The following SPDEF variants were observed in gnomAD, a reference collection of about 807,000 sequenced individuals.
SPDEF encodes the protein SAM pointed domain containing ETS transcription factor.
SPDEF carries 12 observed loss-of-function variants against 36.0 expected under a neutral mutation model. That is an observed-to-expected ratio of 0.33 (90% CI 0.21 to 0.54). The LOEUF (loss-of-function observed/expected upper bound fraction) is 0.54, where lower values mean the gene tolerates loss of function less well. Ranked by LOEUF, SPDEF falls within the 20% of genes least tolerant of loss-of-function variation. The pLI, the probability that SPDEF is intolerant of heterozygous loss-of-function variation, is 0.93. For missense variants in SPDEF, 388 were observed against 456.9 expected, an observed-to-expected ratio of 0.85 and a Z score of 1.37; for synonymous variants, 205 against 193.0, an observed-to-expected ratio of 1.06 and a Z score of -0.51.
chr6:34,548,811 C>T (rs2395596), intron 1 of SPDEF, among the ~76,000 whole-genome samples: 1,692 of 152,310 alleles, frequency 0.011, 44 homozygotes, highest in East Asian at 0.096. Flanking sequence ...CTCCCTCCTG[C>T]GACTTCCTAG....
rs748746776 is a variant in SPDEF, at chr6:34,541,185, G to A, written c.437-4C>T. On this transcript the variant is annotated splice_polypyrimidine_tract_variant and splice_region_variant and intron_variant, in intron 2 of 5. Coordinates refer to ENST00000374037, the MANE Select transcript of SPDEF (RefSeq NM_012391.3). ...CTGGGGCTCCAGTCCATGGGATCTGGGCAAGAGGCATCCCCTCAGCTCAGG... is the reference window on the plus strand; with the variant it reads ...CTGGGGCTCCAGTCCATGGGATCTGAGCAAGAGGCATCCCCTCAGCTCAGG... The A allele has an allele frequency of 6.3e-7, 1 of 1,593,730 alleles. No homozygotes were observed. Among genetic ancestry groups the A allele is most frequent in the Non-Finnish European group, 8.6e-7 (1 of 1,169,320 alleles).
rs1383712739 is a variant in SPDEF, at chr6:34,538,119, C to G, written c.*155G>C. 1 of 764,882 alleles carries G rather than the reference C, an allele frequency of 1.3e-6. No homozygotes were observed. Among genetic ancestry groups the G allele is most frequent in the East Asian group, 2.7e-5 (1 of 37,064 alleles). 47.4% of individuals were successfully genotyped at this position (764,882 alleles called of 1,614,324 possible). On this transcript the variant is annotated 3_prime_UTR_variant, in exon 6 of 6. Transcript: ENST00000374037. The surrounding 1 kb of genome is among the most constrained non-coding windows in gnomAD (Gnocchi z 5.9). ...GAAGGCCCCAGAGGACCCATATCCC[C>G]CTGGGGCAGTTGGTTGCCCCTCCCT...
chr6:34,542,906 A>AG (rs1561977730), intron 2 of SPDEF, among the ~76,000 whole-genome samples: 3 of 149,120 alleles, frequency 2.0e-5, no homozygotes, highest in Admixed American at 6.7e-5. Context: ...AAAAAAAAAA[A>AG]GAAGAGGCTG....
At chr6:34,548,353 T>C (rs1036596673) in intron 1 of SPDEF, among the ~76,000 whole-genome samples, 1 of 152,168 alleles carries the variant, frequency 6.6e-6, no homozygotes, top group Non-Finnish European at 1.5e-5. Flanking sequence ...GGCTCCTTGA[T>C]GCTCTAAAGT....
At chr6:34,542,051 G>C (rs564611116) in intron 2 of SPDEF, among the ~76,000 whole-genome samples, 39 of 152,188 alleles carry the variant, frequency 2.6e-4, no homozygotes, top group Admixed American at 2.2e-3. Context: ...GAGGGAGCAG[G>C]GCCCTCCCCT....
At chr6:34,553,058 AG>A (rs1042490183) in intron 1 of SPDEF, among the ~76,000 whole-genome samples, 2 of 151,944 alleles carry the variant, frequency 1.3e-5, no homozygotes, top group Non-Finnish European at 2.9e-5. Flanking sequence ...AGGGAGAAGG[AG>A]GGGGGTCTTT....
At chr6:34,549,311 G>A (rs913807834) in intron 1 of SPDEF, among the ~76,000 whole-genome samples, 1 of 152,198 alleles carries the variant, frequency 6.6e-6, no homozygotes, top group East Asian at 1.9e-4. Context: ...TGGCGGCCAG[G>A]GGGATTAGCC....
chr6:34,537,999 G>T lies in SPDEF; in HGVS notation c.*275C>A. 2.5e-6 allele frequency: 1 copy of T among 408,054 alleles called. No individual in the cohort carries two copies. Among genetic ancestry groups the T allele is most frequent in the Non-Finnish European group, 4.5e-6 (1 of 223,146 alleles). The allele number at this position is 408,054 out of a possible 1,614,324, so 25.3% of individuals were successfully genotyped here. On this transcript the variant is annotated 3_prime_UTR_variant, in exon 6 of 6. Transcript: ENST00000374037. ...GTAGGCTCTGCTCTGGAAATGCTGG[G>T]GTCAGAGGCAGGTGTTGGGGAGCAG...
At position 34,538,952 on chromosome 6, in the gene SPDEF, T is replaced by A. The variant is rs748841297; in HGVS notation, c.829+298A>T. On this transcript the variant is annotated intron_variant, in intron 5 of 5. Transcript: ENST00000374037. The surrounding 1 kb of genome is among the most constrained non-coding windows in gnomAD (Gnocchi z 5.9). ...GCAGTTCGGCCTGTGCAGCCCTCTC[T>A]GGCAGGATTAATTAATATGAGATGG... Among the ~76,000 whole-genome samples, 18 of 152,202 alleles carry A rather than the reference T, an allele frequency of 1.2e-4. No individual in the cohort carries two copies. Among genetic ancestry groups the A allele is most frequent in the Non-Finnish European group, 2.5e-4 (17 of 68,032 alleles).
At position 34,538,353 on chromosome 6, in the gene SPDEF, C is replaced by A. The variant is rs1767739318; in HGVS notation, c.929G>T (p.Arg310Leu). 1 of 1,613,960 alleles carries A rather than the reference C, an allele frequency of 6.2e-7. No homozygotes were observed. Among genetic ancestry groups the A allele is most frequent in the South Asian group, 1.1e-5 (1 of 91,076 alleles). ...GATGATGCCCTTCTTGTAATACTGG[C>A]GGATGGAGCGGCTCAGCTTGTCGTA... is the stretch of plus-strand genomic sequence containing the variant. ...MNYDKLSRSI[R>L]QYYKKGIIRK... is the part of the protein sequence containing the mutation. The change falls in exon 6 of 6, where the codon CGC becomes CTC. Residue 310 changes from arginine (R) to leucine (L), a missense_variant. Transcript: ENST00000374037. The surrounding 1 kb of genome is among the most constrained non-coding windows in gnomAD (Gnocchi z 5.9).
intron 1 of SPDEF, among the ~76,000 whole-genome samples, chr6:34,553,928 C>A (rs969955118): frequency 6.6e-6 from 1 of 151,164 alleles, no homozygotes; most frequent in Non-Finnish European, 1.5e-5. Flanking sequence ...CCCGCACCCG[C>A]CACCACCCCC....
At chr6:34,549,195 C>T (rs542949623) in intron 1 of SPDEF, among the ~76,000 whole-genome samples, 1 of 152,038 alleles carries the variant, frequency 6.6e-6, no homozygotes, top group South Asian at 2.1e-4. Context: ...CTCAGCGTGT[C>T]CTGGCTCCCT....
rs1767912684 is a variant in SPDEF, at chr6:34,544,601, G to A, written c.-29-117C>T. 5.2e-6 allele frequency: 4 copies of A among 772,798 alleles called. No homozygotes were observed. Among genetic ancestry groups the A allele is most frequent in the Middle Eastern group, 3.7e-4 (1 of 2,670 alleles). 47.9% of individuals were successfully genotyped at this position (772,798 alleles called of 1,614,324 possible). A position where few individuals can be genotyped will look rare whatever the true frequency, so the allele number is the denominator to read the frequency against. On this transcript the variant is annotated intron_variant, in intron 1 of 5. Coordinates refer to ENST00000374037, the MANE Select transcript of SPDEF (RefSeq NM_012391.3). The surrounding 1 kb of genome is among the most constrained non-coding windows in gnomAD (Gnocchi z 4.4). ...AGTGGGCTGGGCCTGGGACAGAGTT[G>A]GGGGCTTCCGGGTCATTGGGCAGCC...
chr6:34,551,618 C>T (rs1768064432), intron 1 of SPDEF, among the ~76,000 whole-genome samples: 2 of 152,282 alleles, frequency 1.3e-5, no homozygotes, highest in South Asian at 2.1e-4. Flanking sequence ...CCTGGGGCTC[C>T]CTTGTAAGCA....
At chr6:34,554,561 C>CCT (rs1768127436) in intron 1 of SPDEF, among the ~76,000 whole-genome samples, 1 of 152,012 alleles carries the variant, frequency 6.6e-6, no homozygotes, top group South Asian at 2.1e-4. Context: ...AGGGTGGGTC[C>CCT]CCTACGCAGT....
chr6:34,544,642 A>C lies in SPDEF; in HGVS notation c.-29-158T>G, dbSNP rs972991879. 1.3e-5 allele frequency among the ~76,000 whole-genome samples: 2 copies of C among 152,202 alleles called. No individual in the cohort carries two copies. The highest frequency in any genetic ancestry group is 2.9e-5 in the Non-Finnish European group (2 of 68,032). On this transcript the variant is annotated intron_variant, in intron 1 of 5. Transcript: ENST00000374037. The surrounding 1 kb of genome is among the most constrained non-coding windows in gnomAD (Gnocchi z 4.4). ...TTGGGCAGCCACGACATGGTTGGGC[A>C]GACAGGCCTTCTGGCTGGGAAAGAC...
chr6:34,543,967 T>A, intron 2 of SPDEF, 53 bp downstream of exon 2: 1 of 1,570,112 alleles, frequency 6.4e-7, no homozygotes. Flanking sequence ...CCCAGCGACC[T>A]CAGCCTTGCC....
In SPDEF at chr6:34,555,113, CAT is replaced by C. The variant is rs1218363824; in HGVS notation, c.-30+814_-30+815del. Among the ~76,000 whole-genome samples the C allele has an allele frequency of 2.6e-5, 4 of 151,734 alleles. No homozygotes were observed. Among genetic ancestry groups the C allele is most frequent in the Non-Finnish European group, 4.4e-5 (3 of 67,874 alleles). ...CGCACATGCACACACCACACACACA[CAT>C]ACTTCCGCGCACACACACGCACGCA... On this transcript the variant is annotated intron_variant, in intron 1 of 5. Coordinates refer to ENST00000374037, the MANE Select transcript of SPDEF (RefSeq NM_012391.3). This position sits in a 1 kb window ranked among gnomAD's most constrained non-coding sequence, Gnocchi z 5.2.
At chr6:34,547,462 C>T (rs916261213) in intron 1 of SPDEF, among the ~76,000 whole-genome samples, 8 of 152,114 alleles carry the variant, frequency 5.3e-5, no homozygotes, top group Non-Finnish European at 8.8e-5. Context: ...ACCTCCTGGG[C>T]TCAAGTGATC....
Sources: allele counts gnomAD v4.1 joint callset (sites outside exome capture counted in the v4.1 genomes callset), GRCh38; gene constraint gnomAD v4.1.1; non-coding constraint Gnocchi (gnomAD v3.1); transcripts MANE v1.5; gene names NCBI Gene and HGNC (gene_info 2026-07-23, HGNC 2026-07-21).